NUSAP1: variants seen among roughly 807,000 people sequenced by gnomAD.
NUSAP1 encodes nucleolar and spindle associated protein 1.
In NUSAP1, 32 loss-of-function variants were observed where a neutral mutation model predicts 52.8. The observed-to-expected ratio is 0.61, with a 90% CI of 0.46 to 0.81. The LOEUF (loss-of-function observed/expected upper bound fraction) is 0.81. Among genes scored for constraint, NUSAP1 ranks in the 40% least tolerant of loss-of-function variants. The probability of loss-of-function intolerance (pLI) is 0.00; values close to 1 mark genes in which losing one functional copy is unlikely to be tolerated. For missense variants in NUSAP1, 499 were observed against 522.3 expected (o/e 0.96, Z 0.43); for synonymous variants, 195 against 183.1 (o/e 1.06, Z -0.52).
At chr15:41,335,034 T>A (rs1303735725) in intron 1 of NUSAP1, among the ~76,000 whole-genome samples, 4 of 152,008 alleles carry the variant, frequency 2.6e-5, no homozygotes, top group Non-Finnish European at 5.9e-5. Flanking sequence ...TCTACTTTTT[T>A]AGGTTTGAAA....
chr15:41,350,843 C>T, intron 3 of NUSAP1, 145 bp from the exon 4 acceptor site: 4 of 659,388 alleles, frequency 6.1e-6, no homozygotes, highest in Non-Finnish European at 7.6e-6. Context: ...GTTGATAAGG[C>T]AGAGAACCAA....
At chr15:41,340,052 C>T (rs377031024) in intron 1 of NUSAP1, among the ~76,000 whole-genome samples, 9 of 152,148 alleles carry the variant, frequency 5.9e-5, no homozygotes, top group Non-Finnish European at 1.3e-4. Context: ...GGATTACAGG[C>T]ATTAGTCACT....
chr15:41,340,490 G>A (rs2048332423), intron 1 of NUSAP1, among the ~76,000 whole-genome samples: 1 of 151,982 alleles, frequency 6.6e-6, no homozygotes. Context: ...CTAGTGTCTG[G>A]AACAGTGCCC....
chr15:41,361,404 T>G (rs28728213), intron 6 of NUSAP1, among the ~76,000 whole-genome samples: 1 of 150,528 alleles, frequency 6.6e-6, no homozygotes, highest in Non-Finnish European at 1.5e-5. Context: ...AAAAAAAAAA[T>G]AATAATAATT....
intron 5 of NUSAP1, 40 bp downstream of exon 5, chr15:41,356,180 C>T: frequency 1.7e-6 from 2 of 1,158,302 alleles, no homozygotes; most frequent in South Asian, 1.3e-5. Context: ...TAATGGTTGC[C>T]CCACTTCGGA....
chr15:41,347,611 C>A (rs886374495), intron 2 of NUSAP1, among the ~76,000 whole-genome samples: 2 of 149,342 alleles, frequency 1.3e-5, no homozygotes, highest in Non-Finnish European at 2.9e-5. Context: ...GTCAACAGAT[C>A]GAGACCATCC....
chr15:41,335,360 TAAAC>T (rs59972234), intron 1 of NUSAP1, among the ~76,000 whole-genome samples: 3,144 of 143,526 alleles, frequency 0.022, 286 homozygotes, highest in Admixed American at 0.15. Flanking sequence ...TACACTAAAA[TAAAC>T]TAAATATATA....
chr15:41,356,834 C>T (rs917007285), intron 5 of NUSAP1, among the ~76,000 whole-genome samples: 2 of 152,066 alleles, frequency 1.3e-5, no homozygotes, highest in Admixed American at 6.6e-5. Flanking sequence ...TAAATGATTC[C>T]GTTTTTGGGC....
At chr15:41,357,511 T>C (rs371986892) in intron 5 of NUSAP1, among the ~76,000 whole-genome samples, 5 of 151,742 alleles carry the variant, frequency 3.3e-5, no homozygotes, top group African/African-American at 1.2e-4. Context: ...TGGCGCAATC[T>C]AGGCTCACTG....
intron 8 of NUSAP1, among the ~76,000 whole-genome samples, chr15:41,373,691 G>A (rs1432528833): frequency 6.6e-5 from 10 of 151,722 alleles, no homozygotes; most frequent in African/African-American, 2.2e-4. Flanking sequence ...CTCGTGATCC[G>A]CTCACCTCGG....
chr15:41,377,339 T>TA lies in NUSAP1; in HGVS notation c.1232+37dup, dbSNP rs1431663810. 7 of 1,182,122 alleles carry TA rather than the reference T, an allele frequency of 5.9e-6. No individual in the cohort carries two copies. In the East Asian group the frequency reaches 1.8e-4, roughly 31 times the overall value. The allele number at this position is 1,182,122 out of a possible 1,614,324, so 73.2% of individuals were successfully genotyped here. A position where few individuals can be genotyped will look rare whatever the true frequency, so the allele number is the denominator to read the frequency against. On this transcript the variant is annotated intron_variant, in intron 10 of 10. Transcript: ENST00000559596. ...TAATTATCCAGCTTTATAATTATTT[T>TA]AATTTCAAAAGCAGCACCTCTGAGG...
intron 6 of NUSAP1, among the ~76,000 whole-genome samples, chr15:41,358,521 C>G (rs1242768542): frequency 6.6e-6 from 1 of 152,080 alleles, no homozygotes; most frequent in Non-Finnish European, 1.5e-5. Context: ...TGGATTACCT[C>G]AGGTCAGGAG....
rs901554470 is a variant in NUSAP1 at position 41,365,477 on chromosome 15, A to T, written c.736A>T (p.Ile246Phe). Residue 246 changes from isoleucine to phenylalanine, a missense_variant, in exon 7 of 11, where the codon ATC becomes TTC. By Grantham distance (21) the Ile-to-Phe change is conservative. Transcript: ENST00000559596. ...AAGACTCTCTGTGGCTTCTACTCCC[A>T]TCAGCCAACGACGCTCGCAAGGCCG... ...RGRLSVASTP[I>F]SQRRSQGRSC... The T allele has an allele frequency of 6.2e-7, 1 of 1,612,956 alleles. No individual in the cohort carries two copies. The highest frequency in any genetic ancestry group is 8.5e-7 in the Non-Finnish European group (1 of 1,179,492).
chr15:41,373,986 G>A (rs2049819713), intron 8 of NUSAP1, among the ~76,000 whole-genome samples: 1 of 152,106 alleles, frequency 6.6e-6, no homozygotes, highest in Non-Finnish European at 1.5e-5. Context: ...TCAGGAGATT[G>A]AGACCATCCT....
At chr15:41,357,051 T>C (rs1361694065) in intron 5 of NUSAP1, among the ~76,000 whole-genome samples, 1 of 152,156 alleles carries the variant, frequency 6.6e-6, no homozygotes, top group African/African-American at 2.4e-5. Flanking sequence ...AAGAGTGGTT[T>C]TTACATTTTT....
Position 41,380,381 on chromosome 15 carries a change from T to TTGGGATGG in NUSAP1, c.*197_*204dup, listed in dbSNP as rs1373816375. On this transcript the variant is annotated 3_prime_UTR_variant, in exon 11 of 11. Transcript: ENST00000559596. ...GTTATCACCTTAAAGCTCAAATTCT[T>TTGGGATGG]TGGGATGGTTTTTACTTAAGTCCAT... 1 of 417,676 alleles carries TTGGGATGG rather than the reference T, an allele frequency of 2.4e-6. No individual in the cohort carries two copies. The highest frequency in any genetic ancestry group is 4.1e-5 in the East Asian group (1 of 24,402). The allele number at this position is 417,676 out of a possible 1,614,324, so 25.9% of individuals were successfully genotyped here.
chr15:41,358,301 G>T, intron 6 of NUSAP1, 43 bp downstream of exon 6: 1 of 937,450 alleles, frequency 1.1e-6, no homozygotes, highest in South Asian at 1.5e-5. Context: ...TAAACTGTTT[G>T]ATTATAATTT....
At chr15:41,333,292 A>G (rs893637625) in intron 1 of NUSAP1, among the ~76,000 whole-genome samples, 2 of 152,124 alleles carry the variant, frequency 1.3e-5, no homozygotes, top group African/African-American at 4.8e-5. Flanking sequence ...CTCTATTCCG[A>G]GGGATGGTTT....
chr15:41,333,669 C>G (rs986730135), intron 1 of NUSAP1, among the ~76,000 whole-genome samples: 1 of 152,166 alleles, frequency 6.6e-6, no homozygotes, highest in Non-Finnish European at 1.5e-5. Context: ...GCCTGTAATC[C>G]CAGCACTTTG....
Sources: allele counts gnomAD v4.1 joint callset (sites outside exome capture counted in the v4.1 genomes callset), GRCh38; gene constraint gnomAD v4.1.1; transcripts MANE v1.5; gene names NCBI Gene and HGNC (gene_info 2026-07-23, HGNC 2026-07-21).